Variants in BRCA1 observed in about 807,000 individuals in gnomAD.
The protein encoded by BRCA1 is breast cancer type 1 susceptibility protein.
A neutral mutation model predicts 173.7 loss-of-function variants in BRCA1; 140 were observed. That is an observed-to-expected ratio of 0.81 (90% CI 0.70 to 0.93). The LOEUF (loss-of-function observed/expected upper bound fraction) is 0.93, where lower values mean the gene tolerates loss of function less well. Ranked by LOEUF, BRCA1 falls within the 40% of genes least tolerant of loss-of-function variation. The pLI is 0.00. For missense variants in BRCA1, 1,983 were observed against 2,172.5 expected, an observed-to-expected ratio of 0.91 and a Z score of 1.73; for synonymous variants, 662 against 756.0, an observed-to-expected ratio of 0.88 and a Z score of 2.04.
In BRCA1 at chr17:43,045,698, T is replaced by G. The variant is rs765656957; in HGVS notation, c.5572A>C (p.Ile1858Leu). ...TGCAGTCAGTAGTGGCTGTGGGGGATCTGGGGTATCAGGTAGGTGTCCAGC... is the reference window on the plus strand; with the variant it reads ...TGCAGTCAGTAGTGGCTGTGGGGGAGCTGGGGTATCAGGTAGGTGTCCAGC... ...QELDTYLIPQ[I>L]PHSHY The change falls in exon 23 of 23, where the codon ATC (isoleucine) becomes CTC (leucine). Residue 1858 changes from isoleucine (I) to leucine (L), a missense_variant. Transcript: ENST00000357654. 3.5e-5 allele frequency: 57 copies of G among 1,613,698 alleles called. 1 individual carries two copies. In the South Asian group the frequency reaches 6.0e-4, roughly 17 times the overall value.
At chr17:43,138,365 G>C in intron 1 of BRCA1, 1 of 488,208 alleles carries the variant, frequency 2.0e-6, no homozygotes. Context: ...CTCCAGGTCG[G>C]TCCCAGGTGT....
In BRCA1 at chr17:43,093,189, T is replaced by C. The variant is rs587776482; in HGVS notation, c.2342A>G (p.Glu781Gly). The change falls in exon 10 of 23, where the codon GAA (glutamate) becomes GGA (glycine). Residue 781 changes from glutamate (E) to glycine (G), a missense_variant. By Grantham distance (98) the Glu-to-Gly change is moderately conservative (BLOSUM62 -2). Transcript: ENST00000357654. ...LVPGTDYGTQ[E>G]SISLLEVSTL... ...GCTAACTTCCAGTAACGAGATACTT[T>C]CCTGAGTGCCATAATCAGTACCAGG... The C allele has an allele frequency of 6.2e-7, 1 of 1,613,960 alleles. No homozygotes were observed. The highest frequency in any genetic ancestry group is 8.5e-7 in the Non-Finnish European group (1 of 1,179,968).
rs786204151 is a variant in BRCA1 at position 43,093,106 on chromosome 17, C to T, written c.2425G>A (p.Glu809Lys). Reference protein sequence around the residue: ...NKCVSQCAAFENPKGLIHGCS... With the variant: ...NKCVSQCAAFKNPKGLIHGCS... ...CCATGAATTAGTCCCTTGGGGTTTT[C>T]AAATGCTGCACACTGACTCACACAT... The change falls in exon 10 of 23, where the codon GAA becomes AAA. Residue 809 changes from glutamate to lysine, a missense_variant. Physicochemically the swap from Glu to Lys is moderately conservative, Grantham distance 56. Coordinates refer to ENST00000357654, the MANE Select transcript of BRCA1 (RefSeq NM_007294.4). The T allele has an allele frequency of 1.2e-6, 2 of 1,613,468 alleles. No individual in the cohort carries two copies. Among genetic ancestry groups the T allele is most frequent in the East Asian group, 2.2e-5 (1 of 44,884 alleles).
chr17:43,062,825 G>A (rs757955666), intron 18 of BRCA1, among the ~76,000 whole-genome samples: 2 of 152,060 alleles, frequency 1.3e-5, no homozygotes, highest in African/African-American at 2.4e-5. Flanking sequence ...TCGAACTCCT[G>A]AGCTCAGGCA....
intron 1 of BRCA1, among the ~76,000 whole-genome samples, chr17:43,142,165 C>T (rs781180805): frequency 3.3e-5 from 5 of 152,200 alleles, no homozygotes; most frequent in Non-Finnish European, 7.3e-5. Flanking sequence ...CCACCCACCT[C>T]AGCCTCCCAA....
chr17:43,125,550 T>G, upstream of BRCA1: 6 of 308,644 alleles, frequency 1.9e-5, no homozygotes, highest in South Asian at 1.7e-4. Flanking sequence ...CCACCCAGTC[T>G]GCCCCCGGAT....
intron 1 of BRCA1, chr17:43,164,080 C>T (rs769938872): frequency 5.9e-5 from 9 of 152,216 alleles, no homozygotes; most frequent in Non-Finnish European, 8.8e-5. Context: ...TTTTGTTTAA[C>T]GTGCAGATGG....
At position 43,125,335 on chromosome 17, in the gene BRCA1, C is replaced by T. The variant is rs2154580153; in HGVS notation, c.-84G>A. On this transcript the variant is annotated 5_prime_UTR_variant, in exon 1 of 23. It adds an upstream start codon to the 5' untranslated region. Coordinates refer to ENST00000357654, the MANE Select transcript of BRCA1 (RefSeq NM_007294.4). ...GGGCCCAGTTATCTGAGAAACCCCA[C>T]AGCCTGTCCCCCGTCCAGGAAGTCT... 2 of 450,276 alleles carry T rather than the reference C, an allele frequency of 4.4e-6. No individual in the cohort carries two copies. The highest frequency in any genetic ancestry group is 3.1e-5 in the South Asian group (2 of 64,432). 27.9% of individuals were successfully genotyped at this position (450,276 alleles called of 1,614,324 possible).
At chr17:43,076,042 A>G (rs554490981) in intron 13 of BRCA1, among the ~76,000 whole-genome samples, 5 of 151,988 alleles carry the variant, frequency 3.3e-5, no homozygotes, top group Non-Finnish European at 7.4e-5. Flanking sequence ...GCAGTGAGCC[A>G]TGACTGCACC....
In BRCA1 at chr17:43,153,218, G is replaced by T. The variant is rs141406502; in HGVS notation, c.-20+16908C>A. ...TGGTGAGGTTTAACATGTTCCTCTG[G>T]AACAGGAATTAAAAGAAATTAAAGA... On this transcript the variant is annotated intron_variant, in intron 1 of 7. Coordinates refer to the BRCA1 transcript ENST00000634433. Among the ~76,000 whole-genome samples the T allele has an allele frequency of 3.8e-3, 575 of 152,218 alleles. 3 individuals are homozygous for T. Among genetic ancestry groups the T allele is most frequent in the Non-Finnish European group, 6.5e-3 (443 of 68,010 alleles).
intron 8 of BRCA1, 123 bp from the exon 9 acceptor site, chr17:43,096,045 T>C (rs1243656167): frequency 3.0e-5 from 24 of 803,114 alleles, no homozygotes; most frequent in Middle Eastern, 2.7e-4. Context: ...CTTATTTAGT[T>C]AGTGAAAGCT....
intron 1 of BRCA1, among the ~76,000 whole-genome samples, chr17:43,144,490 C>T (rs2056103890): frequency 6.6e-6 from 1 of 152,100 alleles, no homozygotes; most frequent in Non-Finnish European, 1.5e-5. Context: ...AATCTCCACC[C>T]TCTGAGGATA....
In BRCA1 at chr17:43,093,316, T is replaced by C. The variant is rs56329598; in HGVS notation, c.2215A>G (p.Lys739Glu). Reference protein sequence around the residue: ...EEKEEKLETVKVSNNAEDPKD... With the variant: ...EEKEEKLETVEVSNNAEDPKD... ...GGGTCTTCAGCATTATTAGACACTT[T>C]AACTGTTTCTAGTTTCTCTTCTTTT... is the stretch of plus-strand genomic sequence containing the variant. Residue 739 changes from lysine to glutamate, a missense_variant, in exon 10 of 23, where the codon AAA becomes GAA. Coordinates refer to ENST00000357654, the MANE Select transcript of BRCA1 (RefSeq NM_007294.4). 5 of 1,613,814 alleles carry C rather than the reference T, an allele frequency of 3.1e-6. No individual in the cohort carries two copies. Among genetic ancestry groups the C allele is most frequent in the Admixed American group, 1.7e-5 (1 of 59,936 alleles).
chr17:43,119,083 TGGATA>T (rs1275861602), intron 2 of BRCA1: 1 of 215,108 alleles, frequency 4.6e-6, no homozygotes, highest in East Asian at 6.8e-5. Flanking sequence ...ACGGATTTTT[TGGATA>T]AAGTCCAGGC....
chr17:43,141,509 T>G (rs1160622951), intron 1 of BRCA1, among the ~76,000 whole-genome samples: 2 of 150,974 alleles, frequency 1.3e-5, no homozygotes, highest in African/African-American at 2.4e-5. Flanking sequence ...ATAAAAAAAT[T>G]TTTTGTTATA....
At chr17:43,079,111 T>C (rs538604240) in intron 12 of BRCA1, among the ~76,000 whole-genome samples, 44 of 152,078 alleles carry the variant, frequency 2.9e-4, no homozygotes, top group African/African-American at 1.0e-3. Context: ...GAGGCGGACA[T>C]TGTAATGAGC....
chr17:43,097,369 A>C, intron 7 of BRCA1, 80 bp from the exon 8 acceptor site: 1 of 1,152,992 alleles, frequency 8.7e-7, no homozygotes, highest in Non-Finnish European at 1.3e-6. Flanking sequence ...TTGTTGAAAA[A>C]CAGATATTCA....
upstream of BRCA1, among the ~76,000 whole-genome samples, chr17:43,129,852 T>A (rs1364898211): frequency 6.6e-6 from 1 of 152,192 alleles, no homozygotes. Context: ...TTCATTTTCC[T>A]GATTTTTTGC....
At chr17:43,108,699 T>A (rs1305381730) in intron 3 of BRCA1, among the ~76,000 whole-genome samples, 2 of 99,376 alleles carry the variant, frequency 2.0e-5, no homozygotes, top group Non-Finnish European at 3.7e-5. Flanking sequence ...AGAGGAAGAC[T>A]CTGTCTCAAA....
Sources: gnomAD v4.1 joint callset for allele counts (sites outside exome capture counted in the v4.1 genomes callset) on GRCh38, gnomAD v4.1.1 for gene constraint, MANE v1.5 for transcripts, NCBI Gene and HGNC (gene_info 2026-07-23, HGNC 2026-07-21) for gene names.